Variants in CLSTN2 observed in about 807,000 individuals in gnomAD.
CLSTN2 encodes calsyntenin-2.
Under a neutral mutation model 101.2 loss-of-function variants are expected in CLSTN2, and 48 were observed. That is an observed-to-expected ratio of 0.47 (90% CI 0.38 to 0.60). The LOEUF (loss-of-function observed/expected upper bound fraction) is 0.60. Among genes scored for constraint, CLSTN2 ranks in the 20% least tolerant of loss-of-function variants. CLSTN2 has a pLI of 0.00. For synonymous variants in CLSTN2, 481 were observed against 463.6 expected (o/e 1.04, Z -0.48); for missense variants, 1,160 against 1,238.2 (o/e 0.94, Z 0.95).
At chr3:140,094,387 T>C (rs1314543887) in intron 1 of CLSTN2, among the ~76,000 whole-genome samples, 1 of 152,216 alleles carries the variant, frequency 6.6e-6, no homozygotes. Flanking sequence ...ATAAAATCTA[T>C]GACTTGAATT....
intron 2 of CLSTN2, among the ~76,000 whole-genome samples, chr3:140,292,718 A>T (rs991482696): frequency 6.6e-6 from 1 of 152,210 alleles, no homozygotes; most frequent in East Asian, 1.9e-4. Flanking sequence ...GCTCAATTTT[A>T]TCATTTGCCA....
At position 139,999,065 on chromosome 3, in the gene CLSTN2, C is replaced by T. The variant is rs182132427; in HGVS notation, c.109+63582C>T. Among the ~76,000 whole-genome samples the T allele has an allele frequency of 2.0e-5, 3 of 152,236 alleles. No homozygotes were observed. The East Asian group carries it at 5.8e-4, about 30-fold the overall frequency. ...CCCCGTGACCTACCCGGCCTGGGAG[C>T]AGACACATTGCTGGTGCCAGCCCTT... On this transcript the variant is annotated intron_variant, in intron 1 of 16. Coordinates refer to ENST00000458420, the MANE Select transcript of CLSTN2 (RefSeq NM_022131.3).
intron 2 of CLSTN2, among the ~76,000 whole-genome samples, chr3:140,301,706 T>TA (rs2087060743): frequency 1.3e-5 from 2 of 152,328 alleles, no homozygotes; most frequent in African/African-American, 2.4e-5. Context: ...CTCAAGGACT[T>TA]ACAGTTGGCT....
At chr3:140,542,852 C>T (rs1337124304) in intron 9 of CLSTN2, among the ~76,000 whole-genome samples, 1 of 152,146 alleles carries the variant, frequency 6.6e-6, no homozygotes, top group Non-Finnish European at 1.5e-5. Flanking sequence ...AAGATAGATC[C>T]TAATGGGCTT....
intron 1 of CLSTN2, among the ~76,000 whole-genome samples, chr3:140,045,021 G>A (rs893819071): frequency 6.6e-6 from 1 of 152,162 alleles, no homozygotes; most frequent in Admixed American, 6.5e-5. Context: ...CCAGGCTTCG[G>A]TATCAGGATG....
At chr3:140,333,141 G>A (rs1286597645) in intron 2 of CLSTN2, among the ~76,000 whole-genome samples, 3 of 152,076 alleles carry the variant, frequency 2.0e-5, no homozygotes, top group East Asian at 1.9e-4. Flanking sequence ...CTCTCCTTTC[G>A]GCGTCACTTC....
intron 1 of CLSTN2, among the ~76,000 whole-genome samples, chr3:140,119,294 C>G (rs1250020370): frequency 6.6e-6 from 1 of 152,200 alleles, no homozygotes; most frequent in Non-Finnish European, 1.5e-5. Context: ...TAATGAGCTC[C>G]CGTTGTCTAT....
chr3:140,499,699 G>A (rs1417818576), intron 8 of CLSTN2, among the ~76,000 whole-genome samples: 6 of 152,106 alleles, frequency 3.9e-5, no homozygotes, highest in Admixed American at 2.6e-4. Context: ...TTCTCTGATT[G>A]CCCTGCCCTG....
At position 140,404,583 on chromosome 3, in the gene CLSTN2, G is replaced by A. The variant is rs749551523; in HGVS notation, c.454G>A (p.Asp152Asn). Residue 152 changes from aspartate (D) to asparagine (N), a missense_variant, in exon 4 of 17, where the codon GAT becomes AAT. Transcript: ENST00000458420. ...GGCCGTGGTCCATATACAGGTGAAG[G>A]ATGTCAACGAGTTTGCTCCCACCTT... ...HKAVVHIQVK[D>N]VNEFAPTFKE... 6.2e-7 allele frequency: 1 copy of A among 1,614,176 alleles called. No individual in the cohort carries two copies. Among genetic ancestry groups the A allele is most frequent in the Non-Finnish European group, 8.5e-7 (1 of 1,180,018 alleles).
intron 1 of CLSTN2, among the ~76,000 whole-genome samples, chr3:140,175,701 C>CA (rs1249365709): frequency 2.0e-5 from 3 of 152,144 alleles, no homozygotes; most frequent in Non-Finnish European, 4.4e-5. Flanking sequence ...GTCTTAGAGG[C>CA]AAAACAAACA....
chr3:140,163,419 TACACACACACACACAC>T lies in CLSTN2; in HGVS notation c.110-12516_110-12501del, dbSNP rs60464575. On this transcript the variant is annotated intron_variant, in intron 1 of 16. Transcript: ENST00000458420. ...TCAATTCTTTAAAATTTTCTATCTC[TACACACACACACACAC>T]ACACACACACACACAGATGTAGAGC... 5.5e-5 allele frequency among the ~76,000 whole-genome samples: 8 copies of T among 145,126 alleles called. No homozygotes were observed. In the South Asian group the frequency reaches 1.6e-3, roughly 28 times the overall value.
intron 7 of CLSTN2, among the ~76,000 whole-genome samples, chr3:140,462,127 T>C (rs1933579313): frequency 6.6e-6 from 1 of 152,186 alleles, no homozygotes; most frequent in Non-Finnish European, 1.5e-5. Flanking sequence ...ATTTAGTACA[T>C]TTCATTACAA....
intron 7 of CLSTN2, among the ~76,000 whole-genome samples, chr3:140,464,836 G>C (rs756134519): frequency 6.6e-6 from 1 of 152,122 alleles, no homozygotes; most frequent in Non-Finnish European, 1.5e-5. Flanking sequence ...CGCTAAAAAT[G>C]GTCCCCCAGA....
chr3:140,089,593 T>C (rs1349888740), intron 1 of CLSTN2, among the ~76,000 whole-genome samples: 2 of 123,526 alleles, frequency 1.6e-5, no homozygotes, highest in Non-Finnish European at 3.4e-5. Context: ...TATTTATTTA[T>C]TTATTTATTT....
intron 2 of CLSTN2, among the ~76,000 whole-genome samples, chr3:140,257,710 G>C (rs1349725844): frequency 3.9e-5 from 6 of 152,018 alleles, no homozygotes; most frequent in African/African-American, 1.4e-4. Context: ...GTTGCAAACT[G>C]TTCTGACACA....
At chr3:140,343,473 C>T (rs1353555429) in intron 2 of CLSTN2, among the ~76,000 whole-genome samples, 2 of 152,162 alleles carry the variant, frequency 1.3e-5, no homozygotes, top group Non-Finnish European at 2.9e-5. Context: ...TAAGATTGCA[C>T]GTAAGTCTGT....
intron 1 of CLSTN2, among the ~76,000 whole-genome samples, chr3:140,175,018 A>G (rs1441786130): frequency 2.0e-5 from 3 of 151,868 alleles, no homozygotes; most frequent in Non-Finnish European, 4.4e-5. Flanking sequence ...GGGCTGCACA[A>G]CTCTATTTTC....
chr3:140,157,297 G>C (rs1042122502), intron 1 of CLSTN2, among the ~76,000 whole-genome samples: 1 of 152,052 alleles, frequency 6.6e-6, no homozygotes, highest in African/African-American at 2.4e-5. Flanking sequence ...TTTTGGAAGA[G>C]TTTCAGTAGG....
chr3:140,396,213 C>G (rs1229517317), intron 2 of CLSTN2, among the ~76,000 whole-genome samples: 2 of 152,138 alleles, frequency 1.3e-5, no homozygotes, highest in South Asian at 2.1e-4. Context: ...CTAAACTCTC[C>G]CCGTGGGAGC....
Sources: allele counts gnomAD v4.1 joint callset (sites outside exome capture counted in the v4.1 genomes callset), GRCh38; gene constraint gnomAD v4.1.1; transcripts MANE v1.5; gene names NCBI Gene and HGNC (gene_info 2026-07-23, HGNC 2026-07-21).